Variants in LRRK2 observed in about 807,000 individuals in gnomAD.
LRRK2 encodes leucine rich repeat kinase 2, also known as leucine-rich repeat serine/threonine-protein kinase 2.
In LRRK2, 203 loss-of-function variants were observed where a neutral mutation model predicts 302.6. The ratio of observed to expected loss-of-function variants is 0.67; its 90% CI spans 0.60 to 0.75. LRRK2 has a LOEUF of 0.75. Among genes scored for constraint, LRRK2 ranks in the 30% least tolerant of loss-of-function variants. The pLI, the probability that LRRK2 is intolerant of heterozygous loss-of-function variation, is 0.00. For synonymous variants in LRRK2, 1,066 were observed against 1,031.9 expected (o/e 1.03, Z -0.63); for missense variants, 2,830 against 2,951.0 (o/e 0.96, Z 0.95).
At position 40,274,049 on chromosome 12, in the gene LRRK2, A is replaced by G. The variant is rs537308605; in HGVS notation, c.1657-534A>G. Among the ~76,000 whole-genome samples the G allele has an allele frequency of 5.9e-5, 9 of 152,298 alleles. 1 individual carries two copies. The South Asian group carries it at 1.9e-3, about 32-fold the overall frequency. On this transcript the variant is annotated intron_variant, in intron 14 of 50. Coordinates refer to ENST00000298910, the MANE Select transcript of LRRK2 (RefSeq NM_198578.4). ...CTGTTACTTGAGCTTTTATTTCTGC[A>G]TCTTTAAAGTTTGGCAAACCTATTA... is the stretch of plus-strand genomic sequence containing the variant.
rs958412773 is a variant in LRRK2, at chr12:40,366,861, A to G, written c.7391-145A>G. On this transcript the variant is annotated intron_variant, in intron 49 of 50. Coordinates refer to ENST00000298910, the MANE Select transcript of LRRK2 (RefSeq NM_198578.4). Reference sequence around the variant, plus strand: ...AAAAAAATGCTGGTCTTTATTCAATATAATTGAAGGGTCACCTAGAAAATA... The same window carrying G: ...AAAAAAATGCTGGTCTTTATTCAATGTAATTGAAGGGTCACCTAGAAAATA... The G allele has an allele frequency of 2.6e-5, 16 of 610,446 alleles. No individual in the cohort carries two copies. In the East Asian group the frequency reaches 4.7e-4, roughly 18 times the overall value. 37.8% of individuals were successfully genotyped at this position (610,446 alleles called of 1,614,324 possible). A position where few individuals can be genotyped will look rare whatever the true frequency, so the allele number is the denominator to read the frequency against.
chr12:40,231,066 A>G (rs897259832), intron 2 of LRRK2, among the ~76,000 whole-genome samples: 3 of 151,988 alleles, frequency 2.0e-5, no homozygotes, highest in African/African-American at 7.3e-5. Context: ...TGTAGATTCA[A>G]TTGCTAAAAA....
rs2137065310 is a variant in LRRK2, at chr12:40,369,187, ATTG to A, written c.*1425_*1427del. ...TCTTTGTTCCAGTGTTATCTCTTTC[ATTG>A]TTACTTTGTATTTGCAATTTTTTTT... On this transcript the variant is annotated 3_prime_UTR_variant, in exon 51 of 51. Coordinates refer to ENST00000298910, the MANE Select transcript of LRRK2 (RefSeq NM_198578.4). The A allele has an allele frequency of 6.6e-6, 1 of 151,934 alleles. No homozygotes were observed. The highest frequency in any genetic ancestry group is 1.5e-5 in the Non-Finnish European group (1 of 67,776). 9.4% of individuals were successfully genotyped at this position (151,934 alleles called of 1,614,324 possible).
At chr12:40,367,379 GA>G (rs1946910896) in intron 50 of LRRK2, 1 of 402,736 alleles carries the variant, frequency 2.5e-6, no homozygotes, top group East Asian at 4.4e-5. Flanking sequence ...AACAGTGTTT[GA>G]AAAAGCTTTT....
In LRRK2 at chr12:40,340,369, T is replaced by A; in HGVS notation, c.6024T>A (p.Asn2008Lys). ...TGCTGCTTTTCACACTGTATCCCAA[T>A]GCTGCCATCATTGCAAAGATTGCTG... is the stretch of plus-strand genomic sequence containing the variant. ...HNVLLFTLYP[N>K]AAIIAKIADY... The change falls in exon 41 of 51, where the codon AAT becomes AAA. Residue 2008 changes from asparagine to lysine, a missense_variant. Asn to Lys is a moderately conservative substitution (Grantham distance 94). Coordinates refer to ENST00000298910, the MANE Select transcript of LRRK2 (RefSeq NM_198578.4). 1.2e-6 allele frequency: 2 copies of A among 1,613,918 alleles called. No individual in the cohort carries two copies. Among genetic ancestry groups the A allele is most frequent in the Non-Finnish European group, 1.7e-6 (2 of 1,179,844 alleles).
intron 2 of LRRK2, among the ~76,000 whole-genome samples, chr12:40,230,469 A>G (rs757508459): frequency 1.2e-4 from 18 of 152,148 alleles, no homozygotes; most frequent in Non-Finnish European, 1.8e-4. Flanking sequence ...CTTATCATGT[A>G]GCAGCCTACT....
At chr12:40,275,966 G>T (rs887722390) in intron 16 of LRRK2, among the ~76,000 whole-genome samples, 26 of 151,968 alleles carry the variant, frequency 1.7e-4, no homozygotes, top group African/African-American at 6.3e-4. Context: ...AAAAATACCT[G>T]GTCTCTAATC....
At chr12:40,353,449 A>G (rs1256318272) in intron 44 of LRRK2, among the ~76,000 whole-genome samples, 1 of 149,588 alleles carries the variant, frequency 6.7e-6, no homozygotes, top group Non-Finnish European at 1.5e-5. Context: ...GCCGCTCATC[A>G]CTTCCTAGAC....
At chr12:40,306,100 T>C (rs1376638805) in intron 28 of LRRK2, 134 bp downstream of exon 28, 3 of 664,924 alleles carry the variant, frequency 4.5e-6, no homozygotes, top group Admixed American at 5.9e-5. Flanking sequence ...ATGCTGTGTG[T>C]CATTTGCCTT....
chr12:40,279,397 A>G (rs1403716130), intron 18 of LRRK2, among the ~76,000 whole-genome samples: 1 of 152,000 alleles, frequency 6.6e-6, no homozygotes, highest in African/African-American at 2.4e-5. Flanking sequence ...AAAATCACAT[A>G]AACAATCTAA....
intron 14 of LRRK2, among the ~76,000 whole-genome samples, chr12:40,267,493 C>T (rs1454523365): frequency 1.3e-5 from 2 of 151,976 alleles, no homozygotes; most frequent in Non-Finnish European, 2.9e-5. Context: ...TCCAGTTAGC[C>T]AACATTCTCT....
chr12:40,244,409 A>C (rs1451378343), intron 7 of LRRK2, among the ~76,000 whole-genome samples: 3 of 151,996 alleles, frequency 2.0e-5, no homozygotes, highest in South Asian at 2.1e-4. Flanking sequence ...CCATTTTTCT[A>C]TCCATGGACA....
At chr12:40,345,094 T>C (rs1946152916) in intron 41 of LRRK2, among the ~76,000 whole-genome samples, 1 of 152,202 alleles carries the variant, frequency 6.6e-6, no homozygotes, top group Non-Finnish European at 1.5e-5. Flanking sequence ...ATTTGCTCCT[T>C]GAAGGCTATG....
Position 40,240,594 on chromosome 12 carries a change from G to C in LRRK2, c.683G>C (p.Cys228Ser), listed in dbSNP as rs56108242. 138 of 1,613,154 alleles carry C rather than the reference G, an allele frequency of 8.6e-5. No homozygotes were observed. Among genetic ancestry groups the C allele is most frequent in the Non-Finnish European group, 1.1e-4 (132 of 1,179,576 alleles). The change falls in exon 6 of 51, where the codon TGT (cysteine) becomes TCT (serine). Residue 228 changes from cysteine (C) to serine (S), a missense_variant. Physicochemically the swap from Cys to Ser is moderately radical, Grantham distance 112 (BLOSUM62 -1). Transcript: ENST00000298910. The stretch of plus-strand genomic sequence containing the variant: ...GAAATTGTGCTTCATGTGCTGCATT[G>C]TTTACATTCCCTAGCGATTCCTTGT... ...EEEIVLHVLH[C>S]LHSLAIPCNN...
intron 29 of LRRK2, 47 bp downstream of exon 29, chr12:40,308,743 G>A: frequency 6.4e-7 from 1 of 1,551,296 alleles, no homozygotes; most frequent in Non-Finnish European, 8.9e-7. Context: ...CCATTTGTTT[G>A]GAACAGGGAT....
chr12:40,327,169 G>A (rs368536989), intron 38 of LRRK2, among the ~76,000 whole-genome samples: 5 of 152,214 alleles, frequency 3.3e-5, no homozygotes, highest in Non-Finnish European at 2.9e-5. Flanking sequence ...AACAGTCCAC[G>A]GGGCTGATCA....
intron 18 of LRRK2, among the ~76,000 whole-genome samples, chr12:40,282,931 G>A (rs1454644109): frequency 6.6e-6 from 1 of 151,952 alleles, no homozygotes; most frequent in African/African-American, 2.4e-5. Context: ...CAGCAGATTT[G>A]GCTTCAAATC....
intron 11 of LRRK2, among the ~76,000 whole-genome samples, chr12:40,256,772 G>T (rs1388141544): frequency 1.3e-5 from 2 of 152,190 alleles, no homozygotes; most frequent in Non-Finnish European, 2.9e-5. Context: ...GTGAATGGTC[G>T]ATACCTCCAC....
At chr12:40,285,045 A>T (rs560566962) in intron 19 of LRRK2, among the ~76,000 whole-genome samples, 1 of 152,160 alleles carries the variant, frequency 6.6e-6, no homozygotes, top group East Asian at 1.9e-4. Flanking sequence ...CAAAAGTTCC[A>T]ATCAGGCTGA....
Sources: gnomAD v4.1 joint callset for allele counts (sites outside exome capture counted in the v4.1 genomes callset) on GRCh38, gnomAD v4.1.1 for gene constraint, MANE v1.5 for transcripts, NCBI Gene and HGNC (gene_info 2026-07-23, HGNC 2026-07-21) for gene names.